The following LAMA5 variants were observed in gnomAD, a reference collection of about 807,000 sequenced individuals.
LAMA5 encodes laminin subunit alpha-5.
A neutral mutation model predicts 433.4 loss-of-function variants in LAMA5; 260 were observed. The ratio of observed to expected loss-of-function variants is 0.60; its 90% CI spans 0.54 to 0.66. LAMA5 has a LOEUF of 0.66. Among genes scored for constraint, LAMA5 ranks in the 30% least tolerant of loss-of-function variants. The pLI is 0.00. For missense variants in LAMA5, 5,378 were observed against 5,258.5 expected, an observed-to-expected ratio of 1.02 and a Z score of -0.70; for synonymous variants, 2,620 against 2,226.6, an observed-to-expected ratio of 1.18 and a Z score of -4.97.
chr20:62,309,343 G>A lies in LAMA5; in HGVS notation c.11081C>T (p.Ala3694Val), dbSNP rs1413322810. 6.9e-6 allele frequency: 11 copies of A among 1,590,952 alleles called. No individual in the cohort carries two copies. Among genetic ancestry groups the A allele is most frequent in the Admixed American group, 1.7e-5 (1 of 59,290 alleles). ...GCCGGGGTTGGCTGTGTCCTAGGCG[G>A]CTGGGCAGCCACTGGCCCCCACTGC... Reference protein sequence around the residue: ...HGAVGASGCPAA With the variant: ...HGAVGASGCPVA Residue 3694 changes from alanine (A) to valine (V), a missense_variant, in exon 80 of 80, where the codon GCC (alanine) becomes GTC (valine). Coordinates refer to ENST00000252999, the MANE Select transcript of LAMA5 (RefSeq NM_005560.6).
Position 62,324,521 on chromosome 20 carries a change from C to T in LAMA5, c.5563G>A (p.Gly1855Ser), listed in dbSNP as rs1170849958. 2 of 1,612,044 alleles carry T rather than the reference C, an allele frequency of 1.2e-6. No individual in the cohort carries two copies. Among genetic ancestry groups the T allele is most frequent in the Non-Finnish European group, 1.7e-6 (2 of 1,179,684 alleles). ...CAPGFYRDVK[G>S]LFLGRCVPCQ... is the part of the protein sequence containing the mutation. ...GGGACACATCGGCCCAGGAAGAGAC[C>T]TTTGACGTCCCGATAGAAGCCGGGG... Residue 1855 changes from glycine to serine, a missense_variant, in exon 42 of 80, where the codon GGT (glycine) becomes AGT (serine). Coordinates refer to ENST00000252999, the MANE Select transcript of LAMA5 (RefSeq NM_005560.6). This position sits in a 1 kb window ranked among gnomAD's most constrained non-coding sequence, Gnocchi z 4.4.
At chr20:62,326,576 C>T in intron 40 of LAMA5, 101 bp downstream of exon 40, 1 of 967,582 alleles carries the variant, frequency 1.0e-6, no homozygotes, top group Non-Finnish European at 1.6e-6. Context: ...GGCTGTTTTC[C>T]ACCACGGAGA....
In LAMA5 at chr20:62,323,464, T is replaced by C; in HGVS notation, c.6056A>G (p.Asn2019Ser). Residue 2019 changes from asparagine (N) to serine (S), a missense_variant, in exon 45 of 80, where the codon AAC (asparagine) becomes AGC (serine). By Grantham distance (46) the Asn-to-Ser change is conservative. Transcript: ENST00000252999. ...CCCAGCCCGACGCCTACGGGTGCAG[T>C]TGCCGGGCAGCAGGGCGTTGCCGTA... is the stretch of plus-strand genomic sequence containing the variant. ...GFYGNALLPGNCTRCDCTPCG... is the reference protein window; with the variant it reads ...GFYGNALLPGSCTRCDCTPCG... 3 of 1,540,756 alleles carry C rather than the reference T, an allele frequency of 1.9e-6. No individual in the cohort carries two copies. The highest frequency in any genetic ancestry group is 1.2e-5 in the South Asian group (1 of 83,730).
chr20:62,315,220 G>C lies in LAMA5; in HGVS notation c.7868-13C>G. On this transcript the variant is annotated splice_polypyrimidine_tract_variant and intron_variant, in intron 58 of 79. Coordinates refer to ENST00000252999, the MANE Select transcript of LAMA5 (RefSeq NM_005560.6). Reference sequence around the variant, plus strand: ...TTGCTTGTCTCGTCTGTGGTGGGCAGAGGGCAGGCTCAGCAGGGGCCAGCG... The same window carrying C: ...TTGCTTGTCTCGTCTGTGGTGGGCACAGGGCAGGCTCAGCAGGGGCCAGCG... 1 of 1,595,308 alleles carries C rather than the reference G, an allele frequency of 6.3e-7. No homozygotes were observed. Among genetic ancestry groups the C allele is most frequent in the Non-Finnish European group, 8.5e-7 (1 of 1,170,072 alleles).
chr20:62,310,862 C>A, intron 74 of LAMA5, 33 bp from the exon 75 acceptor site: 2 of 1,599,810 alleles, frequency 1.3e-6, no homozygotes, highest in Non-Finnish European at 1.7e-6. Context: ...GGTAGGGCTG[C>A]CAGGCCCTGC....
chr20:62,334,039 G>A lies in LAMA5; in HGVS notation c.2740C>T (p.Pro914Ser). 4 of 1,611,604 alleles carry A rather than the reference G, an allele frequency of 2.5e-6. No individual in the cohort carries two copies. The highest frequency in any genetic ancestry group is 3.4e-6 in the Non-Finnish European group (4 of 1,178,880). The change falls in exon 23 of 80, where the codon CCC (proline) becomes TCC (serine). Residue 914 changes from proline (P) to serine (S), a missense_variant and splice_region_variant. Transcript: ENST00000252999. ...RGYAQMAPVQPRIVARLNLTS... is the reference protein window; with the variant it reads ...RGYAQMAPVQSRIVARLNLTS... ...AGGTTCAGCCTGGCCACGATCCTGG[G>A]CTGGGTGGGCATGGAGCGTCGGGTC...
chr20:62,330,946 TG>T lies in LAMA5; in HGVS notation c.3651-3del. The T allele has an allele frequency of 6.4e-7, 1 of 1,553,534 alleles. No individual in the cohort carries two copies. The highest frequency in any genetic ancestry group is 8.7e-7 in the Non-Finnish European group (1 of 1,148,876). On this transcript the variant is annotated splice_region_variant and splice_polypyrimidine_tract_variant and intron_variant, in intron 29 of 79. Transcript: ENST00000252999. The stretch of plus-strand genomic sequence containing the variant: ...AAGCGCGAGGGCAGACAGGCGGCAC[TG>T]GTGAGAGCACAGTGGGTGAGTCAGA...
intron 3 of LAMA5, 175 bp downstream of exon 3, chr20:62,352,959 C>A (rs1056301778): frequency 1.9e-4 from 103 of 556,114 alleles, no homozygotes; most frequent in Non-Finnish European, 3.0e-4. Context: ...ACGCCAGGGA[C>A]AGGAGCCAAT....
In LAMA5 at chr20:62,353,260, C is replaced by G. The variant is rs1208101838; in HGVS notation, c.451-9G>C. 1.9e-6 allele frequency: 3 copies of G among 1,582,228 alleles called. No homozygotes were observed. Among genetic ancestry groups the G allele is most frequent in the East Asian group, 4.6e-5 (2 of 43,796 alleles). ...TAGGCCACGTGGAAGACCTGTGGGC[C>G]GAGAGGGCGTCAGGGGAGCCAGGGG... On this transcript the variant is annotated splice_polypyrimidine_tract_variant and intron_variant, in intron 2 of 79. Coordinates refer to ENST00000252999, the MANE Select transcript of LAMA5 (RefSeq NM_005560.6).
chr20:62,350,484 G>A (rs1256706862), intron 6 of LAMA5, among the ~76,000 whole-genome samples: 10 of 152,308 alleles, frequency 6.6e-5, no homozygotes, highest in African/African-American at 2.4e-4. Flanking sequence ...GAGAATGGGA[G>A]TGAACCTTTG....
At chr20:62,352,480 C>T (rs1408963780) in intron 3 of LAMA5, 120 bp from the exon 4 acceptor site, 77 of 734,000 alleles carry the variant, frequency 1.0e-4, no homozygotes, top group Non-Finnish European at 1.6e-4. Flanking sequence ...GCCAAGAGGC[C>T]GCGTGACAGA....
In LAMA5 at chr20:62,313,769, C is replaced by T. The variant is rs772678206; in HGVS notation, c.8538G>A (p.Val2846=). Residue 2846 remains valine (V), a synonymous_variant, in exon 63 of 80, where the codon GTG becomes GTA. Transcript: ENST00000252999. The stretch of plus-strand genomic sequence containing the variant: ...TGGTTTCCTGGATCATCTGTCTCTC[C>T]ACTGTGACGGACATGTGGCCAAACT... ...TLQFGHMSVT[V]ERQMIQETKG... The T allele has an allele frequency of 6.2e-7, 1 of 1,612,952 alleles. No individual in the cohort carries two copies. Among genetic ancestry groups the T allele is most frequent in the Non-Finnish European group, 8.5e-7 (1 of 1,179,986 alleles).
chr20:62,325,383 T>C lies in LAMA5; in HGVS notation c.5462A>G (p.Gln1821Arg). The C allele has an allele frequency of 6.2e-7, 1 of 1,611,078 alleles. No individual in the cohort carries two copies. The highest frequency in any genetic ancestry group is 8.5e-7 in the Non-Finnish European group (1 of 1,178,954). Residue 1821 changes from glutamine (Q) to arginine (R), a missense_variant, in exon 41 of 80, where the codon CAG (glutamine) becomes CGG (arginine). Physicochemically the swap from Gln to Arg is conservative, Grantham distance 43. Coordinates refer to ENST00000252999, the MANE Select transcript of LAMA5 (RefSeq NM_005560.6). ...VALEVASPAGQGALASNVELC... is the reference protein window; with the variant it reads ...VALEVASPAGRGALASNVELC... ...CTCCACATTGCTGGCCAGGGCCCCC[T>C]GGCCTGCTGGGCTGGCCACCTCCAG...
In LAMA5 at chr20:62,315,986, T is replaced by C. The variant is rs914802878; in HGVS notation, c.7829A>G (p.His2610Arg). 1 of 1,608,188 alleles carries C rather than the reference T, an allele frequency of 6.2e-7. No homozygotes were observed. Among genetic ancestry groups the C allele is most frequent in the African/African-American group, 1.3e-5 (1 of 74,914 alleles). The change falls in exon 58 of 80, where the codon CAC (histidine) becomes CGC (arginine). Residue 2610 changes from histidine (H) to arginine (R), a missense_variant. His to Arg is a conservative substitution (Grantham distance 29). Coordinates refer to ENST00000252999, the MANE Select transcript of LAMA5 (RefSeq NM_005560.6). ...VRAKKDQLEA[H>R]IQAAQAMLAM... is the part of the protein sequence containing the mutation. The stretch of plus-strand genomic sequence containing the variant: ...AAGCATGGCCTGCGCCGCCTGGATG[T>C]GCGCCTCCAGCTGGTCCTTCTTGGC...
chr20:62,311,280 G>A lies in LAMA5; in HGVS notation c.9970C>T (p.Arg3324Trp), dbSNP rs115237398. 8.9e-5 allele frequency: 142 copies of A among 1,597,084 alleles called. No homozygotes were observed. In the African/African-American group the frequency reaches 1.1e-3, roughly 12 times the overall value. The part of the protein sequence containing the change: ...KASRRSRQPA[R>W]HPACMLPPHL... Reference sequence around the variant, plus strand: ...GGGGGCAGCATGCAGGCAGGATGCCGGGCGGGCTGACGGCTGCGGCGGGAG... The same window carrying A: ...GGGGGCAGCATGCAGGCAGGATGCCAGGCGGGCTGACGGCTGCGGCGGGAG... Residue 3324 changes from arginine to tryptophan, a missense_variant, in exon 73 of 80, where the codon CGG becomes TGG. Physicochemically the swap from Arg to Trp is moderately radical, Grantham distance 101. Transcript: ENST00000252999.
At chr20:62,363,677 C>A (rs1365706412) in intron 1 of LAMA5, among the ~76,000 whole-genome samples, 2 of 152,060 alleles carry the variant, frequency 1.3e-5, no homozygotes, top group Non-Finnish European at 2.9e-5. Context: ...AGGCCTCAAT[C>A]TGAGTTTGAG....
rs771613583 is a variant in LAMA5, at chr20:62,333,237, G to A, written c.3135C>T (p.Leu1045=). 2.5e-5 allele frequency: 38 copies of A among 1,546,350 alleles called. No homozygotes were observed. Among genetic ancestry groups the A allele is most frequent in the Non-Finnish European group, 3.3e-5 (38 of 1,144,028 alleles). Residue 1045 remains leucine, a synonymous_variant, in exon 26 of 80, where the codon CTC becomes CTT. Coordinates refer to ENST00000252999, the MANE Select transcript of LAMA5 (RefSeq NM_005560.6). ...CATCCAGGGGGAGGTGTGTGTAGAGGAGGCAGCTGGGGGGACACAGGCCGT... is the reference window on the plus strand; with the variant it reads ...CATCCAGGGGGAGGTGTGTGTAGAGAAGGCAGCTGGGGGGACACAGGCCGT... ...PSAQQSGDNC[L]LYTHLPLDGF...
chr20:62,334,569 C>T lies in LAMA5; in HGVS notation c.2535G>A (p.Thr845=), dbSNP rs1397510028. The change falls in exon 21 of 80, where the codon ACG becomes ACA. Residue 845 remains threonine, a synonymous_variant. Transcript: ENST00000252999. ...TGTTGGGGCGGCACCGGCAGACGCCCGTCCTCGGTTCACAGCTCTGGCCCA... is the reference window on the plus strand; with the variant it reads ...TGTTGGGGCGGCACCGGCAGACGCCTGTCCTCGGTTCACAGCTCTGGCCCA... ...GALGQSCEPR[T]GVCRCRPNTQ... 2.8e-5 allele frequency: 44 copies of T among 1,548,398 alleles called. No individual in the cohort carries two copies. Among genetic ancestry groups the T allele is most frequent in the Middle Eastern group, 1.7e-4 (1 of 5,906 alleles).
intron 2 of LAMA5, 103 bp downstream of exon 2, chr20:62,362,297 C>T (rs879221691): frequency 1.3e-5 from 15 of 1,197,852 alleles, no homozygotes; most frequent in East Asian, 3.1e-5. Flanking sequence ...CCCCAGGTCT[C>T]GCTCACGGTG....
Sources: allele counts gnomAD v4.1 joint callset (sites outside exome capture counted in the v4.1 genomes callset), GRCh38; gene constraint gnomAD v4.1.1; non-coding constraint Gnocchi (gnomAD v3.1); transcripts MANE v1.5; gene names NCBI Gene and HGNC (gene_info 2026-07-23, HGNC 2026-07-21).